Variants in CTNNA3 observed in about 807,000 individuals in gnomAD.
CTNNA3 encodes the protein catenin alpha-3.
Under a neutral mutation model 95.7 loss-of-function variants are expected in CTNNA3, and 76 were observed. The observed-to-expected ratio is 0.79, with a 90% CI of 0.66 to 0.96. The LOEUF (loss-of-function observed/expected upper bound fraction) is 0.96. CTNNA3 is among the 40% of genes least tolerant of loss of function. The pLI, the probability that CTNNA3 is intolerant of heterozygous loss-of-function variation, is 0.00. For missense variants in CTNNA3, 1,191 were observed against 1,089.8 expected, an observed-to-expected ratio of 1.09 and a Z score of -1.31; for synonymous variants, 431 against 374.4, an observed-to-expected ratio of 1.15 and a Z score of -1.74.
At chr10:67,016,759 T>G (rs1852684468) in intron 7 of CTNNA3, among the ~76,000 whole-genome samples, 1 of 152,214 alleles carries the variant, frequency 6.6e-6, no homozygotes, top group South Asian at 2.1e-4. Context: ...ATCATTGCAG[T>G]TGTGAGGCTT....
chr10:66,315,561 G>T (rs183689285), intron 12 of CTNNA3, among the ~76,000 whole-genome samples: 1 of 151,608 alleles, frequency 6.6e-6, no homozygotes, highest in South Asian at 2.1e-4. Flanking sequence ...AACACTGATC[G>T]TAACTTGGTT....
At chr10:67,745,223 A>G (rs531229932) in intron 1 of CTNNA3, among the ~76,000 whole-genome samples, 1 of 152,158 alleles carries the variant, frequency 6.6e-6, no homozygotes, top group Non-Finnish European at 1.5e-5. Flanking sequence ...TGTTTATAGC[A>G]GCACTATTCA....
intron 13 of CTNNA3, among the ~76,000 whole-genome samples, chr10:66,256,683 A>T (rs10762043): frequency 0.45 from 67,601 of 151,472 alleles, 16,208 homozygotes; most frequent in African/African-American, 0.63. Flanking sequence ...ATTGTGCCAT[A>T]GCATTCCAGC....
chr10:66,728,370 T>C (rs1368666544), intron 9 of CTNNA3, among the ~76,000 whole-genome samples: 1 of 152,214 alleles, frequency 6.6e-6, no homozygotes, highest in Non-Finnish European at 1.5e-5. Context: ...CTTTCTCCCA[T>C]TCTATAGGTT....
chr10:66,539,085 G>A (rs1338805125), intron 10 of CTNNA3, among the ~76,000 whole-genome samples: 1 of 152,016 alleles, frequency 6.6e-6, no homozygotes, highest in African/African-American at 2.4e-5. Context: ...AAACCTTGTT[G>A]TTCAAAGTGT....
chr10:66,042,837 T>A (rs145836658), intron 15 of CTNNA3, among the ~76,000 whole-genome samples: 3,130 of 129,062 alleles, frequency 0.024, 117 homozygotes, highest in African/African-American at 0.088. Flanking sequence ...GAGGCGGAGG[T>A]TGCAGTGAGC....
Position 66,909,868 on chromosome 10 carries a change from GT to G in CTNNA3, c.1048-134345del, listed in dbSNP as rs562445127. Among the ~76,000 whole-genome samples, 123 of 152,088 alleles carry G rather than the reference GT, an allele frequency of 8.1e-4. 1 individual carries two copies. The highest frequency in any genetic ancestry group is 2.8e-3 in the African/African-American group (116 of 41,482). On this transcript the variant is annotated intron_variant, in intron 7 of 17. Transcript: ENST00000433211. ...GTAGCTACTTCTGCATCATCTTAATGTTTTCTTTTCAACACACATATATTGA... is the reference window on the plus strand; with the variant it reads ...GTAGCTACTTCTGCATCATCTTAATGTTTCTTTTCAACACACATATATTGA...
intron 15 of CTNNA3, among the ~76,000 whole-genome samples, chr10:66,051,106 CCT>C (rs1170282452): frequency 3.9e-5 from 6 of 152,096 alleles, no homozygotes; most frequent in African/African-American, 1.4e-4. Context: ...GAGCCCTTGG[CCT>C]CAAGCATCCT....
intron 7 of CTNNA3, among the ~76,000 whole-genome samples, chr10:66,867,827 T>C (rs890524456): frequency 1.3e-5 from 2 of 151,106 alleles, no homozygotes; most frequent in African/African-American, 4.9e-5. Context: ...ATAGTTCCAA[T>C]TGTCATTCTC....
At chr10:66,206,131 G>A (rs935997169) in intron 13 of CTNNA3, among the ~76,000 whole-genome samples, 1 of 151,810 alleles carries the variant, frequency 6.6e-6, no homozygotes, top group Non-Finnish European at 1.5e-5. Flanking sequence ...TACTAGGTGT[G>A]CTCTAAATTA....
intron 12 of CTNNA3, among the ~76,000 whole-genome samples, chr10:66,375,018 G>A (rs143676770): frequency 1.3e-5 from 2 of 152,128 alleles, no homozygotes; most frequent in Admixed American, 6.6e-5. Flanking sequence ...GAGCTACAGT[G>A]CACGAGAACA....
intron 5 of CTNNA3, among the ~76,000 whole-genome samples, chr10:67,452,684 GA>G (rs1472601955): frequency 6.6e-6 from 1 of 152,176 alleles, no homozygotes; most frequent in African/African-American, 2.4e-5. Context: ...TGAAAATTCA[GA>G]TATGTCCAGG....
At chr10:66,080,322 A>G (rs1362943984) in intron 14 of CTNNA3, among the ~76,000 whole-genome samples, 1 of 152,036 alleles carries the variant, frequency 6.6e-6, no homozygotes. Flanking sequence ...TCACTCTTAT[A>G]TATATACAAG....
intron 1 of CTNNA3, among the ~76,000 whole-genome samples, chr10:67,688,625 TG>T (rs1460431453): frequency 6.6e-6 from 1 of 152,066 alleles, no homozygotes; most frequent in Non-Finnish European, 1.5e-5. Flanking sequence ...AAAAGTTAGC[TG>T]CCTCTTTTTC....
intron 7 of CTNNA3, among the ~76,000 whole-genome samples, chr10:67,007,039 AC>A (rs1253797062): frequency 6.6e-6 from 1 of 151,944 alleles, no homozygotes; most frequent in Non-Finnish European, 1.5e-5. Flanking sequence ...CAAATGATCC[AC>A]CCTGCTCAGC....
At chr10:67,198,712 C>T (rs937238197) in intron 6 of CTNNA3, among the ~76,000 whole-genome samples, 1 of 152,114 alleles carries the variant, frequency 6.6e-6, no homozygotes, top group African/African-American at 2.4e-5. Context: ...GGCTTAATAT[C>T]CTTTCCAAAT....
intron 15 of CTNNA3, among the ~76,000 whole-genome samples, chr10:65,999,225 T>G (rs2078723696): frequency 6.6e-6 from 1 of 152,170 alleles, no homozygotes; most frequent in Non-Finnish European, 1.5e-5. Context: ...CTAGAGAAAG[T>G]TCAACTTAAA....
At chr10:66,199,781 ATATATATATATATATATATATATATTTT>A (rs2087219263) in intron 13 of CTNNA3, among the ~76,000 whole-genome samples, 1 of 38,100 alleles carries the variant, frequency 2.6e-5, no homozygotes, top group South Asian at 5.2e-4. Flanking sequence ...ATATATATAT[ATATATATATATATATATATATATATTTT>A]TTTTTTTTTT....
chr10:66,843,806 A>T (rs1230835894), intron 7 of CTNNA3, among the ~76,000 whole-genome samples: 1 of 152,170 alleles, frequency 6.6e-6, no homozygotes, highest in East Asian at 1.9e-4. Flanking sequence ...CATTTCATGA[A>T]TTGTTTTTGG....
Sources: gnomAD v4.1 joint callset for allele counts (sites outside exome capture counted in the v4.1 genomes callset) on GRCh38, gnomAD v4.1.1 for gene constraint, MANE v1.5 for transcripts, NCBI Gene and HGNC (gene_info 2026-07-23, HGNC 2026-07-21) for gene names.